The following SARNP variants were observed in gnomAD, a reference collection of about 807,000 sequenced individuals.
The protein encoded by SARNP is SAP domain containing ribonucleoprotein, also known as SAP domain-containing ribonucleoprotein.
SARNP carries 5 observed loss-of-function variants against 38.1 expected under a neutral mutation model. The ratio of observed to expected loss-of-function variants is 0.13; its 90% CI spans 0.07 to 0.28. The LOEUF is 0.28. Ranked by LOEUF, SARNP falls within the 10% of genes least tolerant of loss-of-function variation. SARNP has a pLI of 1.00. For synonymous variants in SARNP, 84 were observed against 80.6 expected (o/e 1.04, Z -0.23); for missense variants, 180 against 243.9 (o/e 0.74, Z 1.75).
downstream of SARNP, chr12:55,756,758 A>G (rs1878517677): frequency 6.6e-6 from 1 of 152,196 alleles, no homozygotes; most frequent in Non-Finnish European, 1.5e-5. Context: ...TCATGCTTTG[A>G]TTCTGCATAC....
intron 9 of SARNP, among the ~76,000 whole-genome samples, chr12:55,778,273 A>C (rs1879241167): frequency 6.6e-6 from 1 of 152,130 alleles, no homozygotes; most frequent in African/African-American, 2.4e-5. Context: ...CAGCCTCCCG[A>C]GTAGTTGGGA....
intron 1 of SARNP, among the ~76,000 whole-genome samples, chr12:55,812,871 C>T (rs559273841): frequency 6.6e-6 from 1 of 152,166 alleles, no homozygotes; most frequent in Non-Finnish European, 1.5e-5. Flanking sequence ...TAATCATGAG[C>T]AAAACATAAG....
At chr12:55,773,505 CAATTCAAATAGAAAAGCAG>C (rs1470361739) in intron 9 of SARNP, among the ~76,000 whole-genome samples, 2 of 152,144 alleles carry the variant, frequency 1.3e-5, no homozygotes, top group African/African-American at 2.4e-5. Flanking sequence ...TGCTCTCCTA[CAATTCAAATAGAAAAGCAG>C]AGAGAATCTT....
intron 9 of SARNP, among the ~76,000 whole-genome samples, chr12:55,785,096 T>C (rs1334106081): frequency 6.6e-6 from 1 of 152,262 alleles, no homozygotes; most frequent in East Asian, 1.9e-4. Context: ...ATTTTAATTG[T>C]ATTTTATAGA....
intron 1 of SARNP, among the ~76,000 whole-genome samples, chr12:55,817,282 G>A (rs975974263): frequency 3.3e-5 from 5 of 152,140 alleles, no homozygotes; most frequent in Non-Finnish European, 7.3e-5. Flanking sequence ...ACGACAGACT[G>A]GAAACATCAT....
chr12:55,817,357 T>C (rs1023807515), intron 1 of SARNP, among the ~76,000 whole-genome samples: 1 of 152,156 alleles, frequency 6.6e-6, no homozygotes, highest in African/African-American at 2.4e-5. Context: ...ACTGACGTAA[T>C]GCAGCCCTGA....
chr12:55,780,315 A>G (rs1879303847), intron 9 of SARNP, among the ~76,000 whole-genome samples: 1 of 151,998 alleles, frequency 6.6e-6, no homozygotes, highest in African/African-American at 2.4e-5. Flanking sequence ...TTAGCCGGGC[A>G]TAGTAGCACA....
intron 9 of SARNP, among the ~76,000 whole-genome samples, chr12:55,777,978 CATA>C (rs1221485837): frequency 6.6e-6 from 1 of 152,070 alleles, no homozygotes; most frequent in Non-Finnish European, 1.5e-5. Context: ...TGATTGGAAC[CATA>C]ATAAAAGTAA....
intron 9 of SARNP, among the ~76,000 whole-genome samples, chr12:55,778,641 ATGTAAAGGAG>A (rs1879254791): frequency 6.6e-6 from 1 of 152,176 alleles, no homozygotes; most frequent in South Asian, 2.1e-4. Context: ...TGAAAAGGGA[ATGTAAAGGAG>A]TGGTTAAATA....
chr12:55,798,556 C>A, intron 4 of SARNP, among the ~76,000 whole-genome samples: 1 of 152,034 alleles, frequency 6.6e-6, no homozygotes. Context: ...AAATGTACAT[C>A]CTCTGTGATG....
intron 9 of SARNP, among the ~76,000 whole-genome samples, chr12:55,784,943 A>C (rs1024697611): frequency 3.3e-5 from 5 of 152,242 alleles, no homozygotes; most frequent in Non-Finnish European, 7.3e-5. Context: ...AGTCCCTGGA[A>C]ACCATACATA....
chr12:55,773,347 C>CA (rs1052225126), intron 9 of SARNP, among the ~76,000 whole-genome samples: 44 of 152,268 alleles, frequency 2.9e-4, no homozygotes, highest in African/African-American at 1.1e-3. Context: ...GTAAGACTCC[C>CA]ATCCTGCTCC....
Position 55,758,150 on chromosome 12 carries a change from G to C in SARNP, c.592-597C>G, listed in dbSNP as rs141731486. Among the ~76,000 whole-genome samples the C allele has an allele frequency of 3.6e-3, 553 of 152,254 alleles. 5 individuals are homozygous for C. Among genetic ancestry groups the C allele is most frequent in the African/African-American group, 0.013 (530 of 41,538 alleles). Reference sequence around the variant, plus strand: ...TTAAAGGAGACAGCAACACTGGAGAGGACACAAAATGGTGAGGGAAGACTT... The same window carrying C: ...TTAAAGGAGACAGCAACACTGGAGACGACACAAAATGGTGAGGGAAGACTT... On this transcript the variant is annotated intron_variant, in intron 10 of 10. Transcript: ENST00000336133.
chr12:55,813,732 C>T, intron 1 of SARNP, among the ~76,000 whole-genome samples: 1 of 151,832 alleles, frequency 6.6e-6, no homozygotes, highest in East Asian at 1.9e-4. Context: ...TTAATAGTGA[C>T]GGGGTTTCTC....
intron 9 of SARNP, among the ~76,000 whole-genome samples, chr12:55,764,531 C>CAA (rs1046165926): frequency 1.5e-4 from 10 of 65,226 alleles, no homozygotes; most frequent in East Asian, 4.3e-4. Context: ...AACTCCATTT[C>CAA]AAAAAAAAAA....
chr12:55,794,942 A>G, intron 5 of SARNP, 62 bp from the exon 6 acceptor site: 1 of 516,280 alleles, frequency 1.9e-6, no homozygotes, highest in African/African-American at 2.1e-5. Context: ...AAAGTCAGTC[A>G]GAGGTAGGTA....
At chr12:55,773,780 T>C (rs1187891404) in intron 9 of SARNP, among the ~76,000 whole-genome samples, 1 of 151,630 alleles carries the variant, frequency 6.6e-6, no homozygotes, top group African/African-American at 2.4e-5. Context: ...GTGCGATCTC[T>C]GCTCACTGCA....
intron 9 of SARNP, among the ~76,000 whole-genome samples, chr12:55,782,468 G>C (rs531288945): frequency 6.6e-6 from 1 of 152,318 alleles, no homozygotes; most frequent in East Asian, 1.9e-4. Flanking sequence ...TAGCACAGCA[G>C]TTAATACTAC....
At chr12:55,798,479 C>T (rs565127822) in intron 4 of SARNP, among the ~76,000 whole-genome samples, 7 of 152,102 alleles carry the variant, frequency 4.6e-5, no homozygotes, top group Non-Finnish European at 8.8e-5. Flanking sequence ...GCCTGGACAA[C>T]GGAGTGAGTC....
Sources: gnomAD v4.1 joint callset for allele counts (sites outside exome capture counted in the v4.1 genomes callset) on GRCh38, gnomAD v4.1.1 for gene constraint, MANE v1.5 for transcripts, NCBI Gene and HGNC (gene_info 2026-07-23, HGNC 2026-07-21) for gene names.